OR4D10: variants seen among roughly 807,000 people sequenced by gnomAD.
The protein encoded by OR4D10 is olfactory receptor 4D10.
For missense variants in OR4D10, 395 were observed against 378.0 expected (o/e 1.04, Z -0.37); for synonymous variants, 188 against 153.2 (o/e 1.23, Z -1.68).
rs1385503092 is a variant in OR4D10, at chr11:59,478,163, C to T, written c.734C>T (p.Thr245Ile). ...ATCTCCACCTGCACCTCCCACATCA[C>T]TGTGGTGACCCTGCATTTCGTGCCC... is the stretch of plus-strand genomic sequence containing the variant. ...KAISTCTSHI[T>I]VVTLHFVPCI... is the part of the protein sequence containing the mutation. The change falls in exon 3 of 3, where the codon ACT becomes ATT. Residue 245 changes from threonine (T) to isoleucine (I), a missense_variant. Coordinates refer to ENST00000530162, the MANE Select transcript of OR4D10 (RefSeq NM_001004705.2). The T allele has an allele frequency of 6.2e-7, 1 of 1,614,060 alleles. No homozygotes were observed.
intron 2 of OR4D10, among the ~76,000 whole-genome samples, chr11:59,475,422 C>G (rs573164379): frequency 6.6e-6 from 1 of 152,194 alleles, no homozygotes; most frequent in South Asian, 2.1e-4. Context: ...GGAAATTCAT[C>G]TAAATTGAGG....
At chr11:59,474,875 T>C (rs10896976) in intron 2 of OR4D10, among the ~76,000 whole-genome samples, 121,984 of 150,750 alleles carry the variant, frequency 0.81, 51,742 homozygotes, top group Non-Finnish European at 0.94. Flanking sequence ...GCTAACACAG[T>C]GAAACCCCGT....
rs1446591085 is a variant in OR4D10 at position 59,473,784 on chromosome 11, A to C, written c.-178A>C. 6.6e-6 allele frequency: 1 copy of C among 152,240 alleles called. No individual in the cohort carries two copies. Among genetic ancestry groups the C allele is most frequent in the Non-Finnish European group, 1.5e-5 (1 of 68,040 alleles). The allele number at this position is 152,240 out of a possible 1,614,324, so 9.4% of individuals were successfully genotyped here. A position where few individuals can be genotyped will look rare whatever the true frequency, so the allele number is the denominator to read the frequency against. Reference sequence around the variant, plus strand: ...TTAAAATAATCATCTCAATGACAGAAACAACAAAGGTGGGTGTTAAACATT... The same window carrying C: ...TTAAAATAATCATCTCAATGACAGACACAACAAAGGTGGGTGTTAAACATT... On this transcript the variant is annotated 5_prime_UTR_variant, in exon 2 of 3. Transcript: ENST00000530162.
Position 59,478,135 on chromosome 11 carries a change from G to T in OR4D10, c.706G>T (p.Ala236Ser). Residue 236 changes from alanine (A) to serine (S), a missense_variant, in exon 3 of 3, where the codon GCC becomes TCC. By Grantham distance (99) the Ala-to-Ser change is moderately conservative. Transcript: ENST00000530162. ...TCAGGCAGGAGAGGGCAGGAGGAAA[G>T]CCATCTCCACCTGCACCTCCCACAT... ...KSQAGEGRRKAISTCTSHITV... is the reference protein window; with the variant it reads ...KSQAGEGRRKSISTCTSHITV... 1 of 1,614,126 alleles carries T rather than the reference G, an allele frequency of 6.2e-7. No homozygotes were observed. Among genetic ancestry groups the T allele is most frequent in the Non-Finnish European group, 8.5e-7 (1 of 1,180,012 alleles).
chr11:59,477,352 A>G lies in OR4D10; in HGVS notation c.-78A>G. ...TTTCTGCACTGCATTCTAGGTGTTT[A>G]GGAAGACAACAAAATAAATATCCCA... On this transcript the variant is annotated 5_prime_UTR_variant, in exon 3 of 3. Transcript: ENST00000530162. 1 of 1,104,502 alleles carries G rather than the reference A, an allele frequency of 9.1e-7. No homozygotes were observed. The highest frequency in any genetic ancestry group is 1.3e-6 in the Non-Finnish European group (1 of 779,608). 68.4% of individuals were successfully genotyped at this position (1,104,502 alleles called of 1,614,324 possible).
rs1024470850 is a variant in OR4D10 at position 59,478,598 on chromosome 11, A to G, written c.*233A>G. Reference sequence around the variant, plus strand: ...CTCTTTACCACCAAGATTTTGTTTCATGATTTTTCTTCCATGGACTCCAAG... The same window carrying G: ...CTCTTTACCACCAAGATTTTGTTTCGTGATTTTTCTTCCATGGACTCCAAG... On this transcript the variant is annotated 3_prime_UTR_variant, in exon 3 of 3. Transcript: ENST00000530162. 5 of 374,124 alleles carry G rather than the reference A, an allele frequency of 1.3e-5. No homozygotes were observed. The highest frequency in any genetic ancestry group is 2.4e-5 in the Non-Finnish European group (5 of 211,518). 23.2% of individuals were successfully genotyped at this position (374,124 alleles called of 1,614,324 possible).
At chr11:59,476,270 G>C (rs953708696) in intron 2 of OR4D10, among the ~76,000 whole-genome samples, 5 of 152,218 alleles carry the variant, frequency 3.3e-5, no homozygotes, top group Admixed American at 1.3e-4. Context: ...AGGTTCTACT[G>C]TTGGTGAAGA....
chr11:59,476,825 G>A (rs1175094209), intron 2 of OR4D10, among the ~76,000 whole-genome samples: 1 of 151,746 alleles, frequency 6.6e-6, no homozygotes, highest in Non-Finnish European at 1.5e-5. Context: ...TCTCTCAGCA[G>A]CGAAATTCTT....
chr11:59,476,602 G>A (rs1241027848), intron 2 of OR4D10, among the ~76,000 whole-genome samples: 2 of 151,970 alleles, frequency 1.3e-5, no homozygotes, highest in African/African-American at 2.4e-5. Context: ...ACTCAATCTT[G>A]TATTCTCTCA....
rs116819815 is a variant in OR4D10, at chr11:59,476,806, C to A, written c.-168-456C>A. Among the ~76,000 whole-genome samples, 953 of 152,182 alleles carry A rather than the reference C, an allele frequency of 6.3e-3. 11 individuals are homozygous for A. Among genetic ancestry groups the A allele is most frequent in the African/African-American group, 0.022 (894 of 41,516 alleles). On this transcript the variant is annotated intron_variant, in intron 2 of 2. Coordinates refer to ENST00000530162, the MANE Select transcript of OR4D10 (RefSeq NM_001004705.2). ...CAATCCAGAGCTCTCTTCACTACAT[C>A]CCCCTGCCTCTCTCAGCAGCGAAAT...
chr11:59,474,184 G>A (rs1478316619), intron 2 of OR4D10, among the ~76,000 whole-genome samples: 1 of 152,098 alleles, frequency 6.6e-6, no homozygotes, highest in Non-Finnish European at 1.5e-5. Flanking sequence ...AATGGGTGGT[G>A]GTGACAAATA....
At chr11:59,476,491 C>T (rs1413629630) in intron 2 of OR4D10, among the ~76,000 whole-genome samples, 1 of 152,214 alleles carries the variant, frequency 6.6e-6, no homozygotes. Context: ...AGTGATCCTC[C>T]CACTTCAGCT....
intron 2 of OR4D10, among the ~76,000 whole-genome samples, chr11:59,475,100 G>C (rs1191565485): frequency 1.4e-5 from 2 of 141,990 alleles, no homozygotes; most frequent in Admixed American, 7.0e-5. Flanking sequence ...AGAAATCAAA[G>C]GACATTGTCC....
At chr11:59,474,968 G>T (rs1052072397) in intron 2 of OR4D10, among the ~76,000 whole-genome samples, 1 of 148,988 alleles carries the variant, frequency 6.7e-6, no homozygotes, top group South Asian at 2.1e-4. Flanking sequence ...GGCTGAGGCA[G>T]GAGAATGGCG....
intron 2 of OR4D10, among the ~76,000 whole-genome samples, chr11:59,476,489 T>A (rs1185460509): frequency 6.6e-6 from 1 of 152,190 alleles, no homozygotes; most frequent in Non-Finnish European, 1.5e-5. Context: ...CAAGTGATCC[T>A]CCCACTTCAG....
chr11:59,479,171 T>G lies in OR4D10; in HGVS notation c.*806T>G, dbSNP rs1318092546. 6.6e-6 allele frequency: 1 copy of G among 152,198 alleles called. No homozygotes were observed. Among genetic ancestry groups the G allele is most frequent in the Non-Finnish European group, 1.5e-5 (1 of 68,032 alleles). The allele number at this position is 152,198 out of a possible 1,614,324, so 9.4% of individuals were successfully genotyped here. ...CTATTTTCTTGTCTCTTTCTCTTAC[T>G]GGGCAGTGACTTCCCCAGGAGCAGG... On this transcript the variant is annotated 3_prime_UTR_variant, in exon 3 of 3. Transcript: ENST00000530162.
chr11:59,473,938 G>A (rs897359333), intron 2 of OR4D10, 145 bp downstream of exon 2: 2 of 152,204 alleles, frequency 1.3e-5, no homozygotes, highest in Non-Finnish European at 2.9e-5. Context: ...TAAGGTCAAT[G>A]CAAAAGGGTT....
chr11:59,478,684 T>C lies in OR4D10; in HGVS notation c.*319T>C, dbSNP rs1193217869. ...ATTTAGTGATTGCTAAGTATTTGTT[T>C]TATTTTCATAAGTAATACATAAAAT... On this transcript the variant is annotated 3_prime_UTR_variant, in exon 3 of 3. Coordinates refer to ENST00000530162, the MANE Select transcript of OR4D10 (RefSeq NM_001004705.2). 3 of 197,230 alleles carry C rather than the reference T, an allele frequency of 1.5e-5. No individual in the cohort carries two copies. The highest frequency in any genetic ancestry group is 3.1e-5 in the Non-Finnish European group (3 of 97,752). 12.2% of individuals were successfully genotyped at this position (197,230 alleles called of 1,614,324 possible). A position where few individuals can be genotyped will look rare whatever the true frequency, so the allele number is the denominator to read the frequency against.
chr11:59,477,345 G>A lies in OR4D10; in HGVS notation c.-85G>A. ...TGGGAAGTTTCTGCACTGCATTCTA[G>A]GTGTTTAGGAAGACAACAAAATAAA... On this transcript the variant is annotated 5_prime_UTR_variant, in exon 3 of 3. An upstream open reading frame in the 5' UTR loses its in-frame stop. Coordinates refer to ENST00000530162, the MANE Select transcript of OR4D10 (RefSeq NM_001004705.2). The A allele has an allele frequency of 1.0e-6, 1 of 993,762 alleles. No individual in the cohort carries two copies. Among genetic ancestry groups the A allele is most frequent in the Admixed American group, 2.9e-5 (1 of 34,328 alleles). The allele number at this position is 993,762 out of a possible 1,614,324, so 61.6% of individuals were successfully genotyped here. A position where few individuals can be genotyped will look rare whatever the true frequency, so the allele number is the denominator to read the frequency against.
Sources: gnomAD v4.1 joint callset for allele counts (sites outside exome capture counted in the v4.1 genomes callset) on GRCh38, gnomAD v4.1.1 for gene constraint, MANE v1.5 for transcripts, NCBI Gene and HGNC (gene_info 2026-07-23, HGNC 2026-07-21) for gene names.